Variants in P2RY14 observed in about 807,000 individuals in gnomAD.
The protein encoded by P2RY14 is purinergic receptor P2Y14, also known as P2Y purinoceptor 14.
Under a neutral mutation model 0.9 loss-of-function variants are expected in P2RY14, and 2 were observed. The ratio of observed to expected loss-of-function variants is 2.16; its 90% CI spans 0.88 to 6.79. The LOEUF (loss-of-function observed/expected upper bound fraction) is 6.79. P2RY14 is among the 30% of genes most tolerant of loss of function. The pLI, the probability that P2RY14 is intolerant of heterozygous loss-of-function variation, is 0.05. For synonymous variants in P2RY14, 158 were observed against 147.2 expected, an observed-to-expected ratio of 1.07 and a Z score of -0.53; for missense variants, 378 against 400.1, an observed-to-expected ratio of 0.94 and a Z score of 0.47.
chr3:151,218,656 C>T (rs566055115), intron 2 of P2RY14, among the ~76,000 whole-genome samples: 2 of 151,770 alleles, frequency 1.3e-5, no homozygotes, highest in Non-Finnish European at 2.9e-5. Flanking sequence ...ATCACGAGGT[C>T]AGGAGATTGA....
At chr3:151,253,332 C>A (rs143661339) in intron 1 of P2RY14, among the ~76,000 whole-genome samples, 1 of 152,178 alleles carries the variant, frequency 6.6e-6, no homozygotes, top group African/African-American at 2.4e-5. Context: ...AGGGGCCTTC[C>A]GCTCTTACCC....
intron 1 of P2RY14, among the ~76,000 whole-genome samples, chr3:151,242,045 C>T (rs1365294531): frequency 2.0e-5 from 3 of 152,146 alleles, no homozygotes; most frequent in South Asian, 2.1e-4. Flanking sequence ...CACTCCCACC[C>T]GAATACTGCG....
chr3:151,214,129 A>G lies in P2RY14; in HGVS notation c.188T>C (p.Ile63Thr). The change falls in exon 3 of 3, where the codon ATT becomes ACT. Residue 63 changes from isoleucine to threonine, a missense_variant. Ile to Thr is a moderately conservative substitution (Grantham distance 89). Transcript: ENST00000309170. ...GCTCATCACAAAGTCAGCAATAACA[A>G]TGTTCTTGAGATAGATGATGAAACT... ...SKSFIIYLKNIVIADFVMSLT... is the reference protein window; with the variant it reads ...SKSFIIYLKNTVIADFVMSLT... 1.9e-6 allele frequency: 3 copies of G among 1,614,010 alleles called. No homozygotes were observed. Among genetic ancestry groups the G allele is most frequent in the Admixed American group, 1.7e-5 (1 of 60,014 alleles).
intron 1 of P2RY14, among the ~76,000 whole-genome samples, chr3:151,271,350 C>T (rs1361973530): frequency 6.6e-6 from 1 of 152,226 alleles, no homozygotes; most frequent in Admixed American, 6.5e-5. Context: ...AAAAACTTGA[C>T]AATGTTAAGA....
At chr3:151,270,297 GCT>G (rs1384232731) in intron 1 of P2RY14, among the ~76,000 whole-genome samples, 3 of 146,368 alleles carry the variant, frequency 2.0e-5, no homozygotes, top group Non-Finnish European at 4.5e-5. Flanking sequence ...CTACACCACA[GCT>G]CTCAACTTAT....
intron 1 of P2RY14, among the ~76,000 whole-genome samples, chr3:151,271,783 C>T (rs543280074): frequency 2.7e-4 from 41 of 152,214 alleles, no homozygotes; most frequent in African/African-American, 8.9e-4. Flanking sequence ...GACTATGTAC[C>T]TTGTGATTCC....
At chr3:151,246,195 T>C (rs939248205) in intron 1 of P2RY14, among the ~76,000 whole-genome samples, 13 of 152,046 alleles carry the variant, frequency 8.6e-5, no homozygotes, top group Non-Finnish European at 1.6e-4. Context: ...GCCATACTGC[T>C]CAAGGTAATT....
chr3:151,235,929 C>A (rs562912451), intron 1 of P2RY14, among the ~76,000 whole-genome samples: 2 of 152,174 alleles, frequency 1.3e-5, no homozygotes, highest in South Asian at 4.2e-4. Context: ...TTTCTCTTGT[C>A]TCCCTTTGTT....
At chr3:151,239,756 A>G (rs551223301) in intron 1 of P2RY14, among the ~76,000 whole-genome samples, 2 of 152,320 alleles carry the variant, frequency 1.3e-5, no homozygotes, top group South Asian at 4.1e-4. Flanking sequence ...TTTTCTGATA[A>G]GAGATTTTGT....
At chr3:151,256,866 T>G (rs549096759) in intron 1 of P2RY14, among the ~76,000 whole-genome samples, 92 of 151,888 alleles carry the variant, frequency 6.1e-4, no homozygotes, top group Middle Eastern at 6.8e-3. Flanking sequence ...TTTTGTTGTT[T>G]TTTTTTTTAA....
At chr3:151,241,256 T>C (rs1056696196) in intron 1 of P2RY14, among the ~76,000 whole-genome samples, 9 of 152,240 alleles carry the variant, frequency 5.9e-5, no homozygotes, top group African/African-American at 2.2e-4. Flanking sequence ...ATTTTTTACC[T>C]TCAAAAATGG....
intron 1 of P2RY14, among the ~76,000 whole-genome samples, chr3:151,223,905 C>T (rs562966872): frequency 8.5e-4 from 130 of 152,366 alleles, no homozygotes; most frequent in African/African-American, 3.1e-3. Context: ...AGCCTCCTTA[C>T]ACCCAACCAA....
At chr3:151,236,864 G>A (rs1175491861) in intron 1 of P2RY14, among the ~76,000 whole-genome samples, 4 of 151,990 alleles carry the variant, frequency 2.6e-5, no homozygotes, top group Non-Finnish European at 5.9e-5. Flanking sequence ...CCATATCATA[G>A]TTAATTCAGT....
intron 1 of P2RY14, chr3:151,269,441 A>ACACACACACACACACACACACAC (rs1559962861): frequency 8.7e-6 from 2 of 230,494 alleles, no homozygotes; most frequent in East Asian, 1.3e-4. Context: ...ACACACACAC[A>ACACACACACACACACACACACAC]AAATTCAGAG....
At chr3:151,253,979 T>C (rs1737316821) in intron 1 of P2RY14, among the ~76,000 whole-genome samples, 1 of 148,484 alleles carries the variant, frequency 6.7e-6, no homozygotes, top group South Asian at 2.1e-4. Flanking sequence ...TATACCTTCT[T>C]TTTGTTTTGA....
intron 1 of P2RY14, among the ~76,000 whole-genome samples, chr3:151,235,564 C>T (rs983320866): frequency 5.3e-5 from 8 of 151,980 alleles, no homozygotes; most frequent in Admixed American, 2.6e-4. Context: ...ATTAGCTGGG[C>T]GTGCCTGTAA....
chr3:151,222,641 T>TA (rs1729596716), intron 1 of P2RY14, among the ~76,000 whole-genome samples: 1 of 152,236 alleles, frequency 6.6e-6, no homozygotes, highest in South Asian at 2.1e-4. Context: ...TGTGAAACTA[T>TA]AAGTCCAGTA....
intron 1 of P2RY14, among the ~76,000 whole-genome samples, chr3:151,232,718 T>C (rs1358265497): frequency 2.0e-5 from 3 of 152,126 alleles, no homozygotes; most frequent in East Asian, 1.9e-4. Context: ...TTCTCACTTA[T>C]AAGTGGGAGC....
chr3:151,235,383 G>T (rs1202126444), intron 1 of P2RY14, among the ~76,000 whole-genome samples: 3 of 152,118 alleles, frequency 2.0e-5, no homozygotes, highest in African/African-American at 7.2e-5. Flanking sequence ...CCCTATAGTG[G>T]GGTTGAAGTT....
Sources: allele counts gnomAD v4.1 joint callset (sites outside exome capture counted in the v4.1 genomes callset), GRCh38; gene constraint gnomAD v4.1.1; transcripts MANE v1.5; gene names NCBI Gene and HGNC (gene_info 2026-07-23, HGNC 2026-07-21).